The following CTNNA3 variants were observed in gnomAD, a reference collection of about 807,000 sequenced individuals.
CTNNA3 encodes catenin alpha-3.
Under a neutral mutation model 95.7 loss-of-function variants are expected in CTNNA3, and 76 were observed. That is an observed-to-expected ratio of 0.79 (90% CI 0.66 to 0.96). The LOEUF (loss-of-function observed/expected upper bound fraction) is 0.96. Ranked by LOEUF, CTNNA3 falls within the 40% of genes least tolerant of loss-of-function variation. The pLI is 0.00. For synonymous variants in CTNNA3, 431 were observed against 374.4 expected, an observed-to-expected ratio of 1.15 and a Z score of -1.74; for missense variants, 1,191 against 1,089.8, an observed-to-expected ratio of 1.09 and a Z score of -1.31.
At chr10:66,558,427 T>A (rs1842455591) in intron 10 of CTNNA3, among the ~76,000 whole-genome samples, 1 of 152,104 alleles carries the variant, frequency 6.6e-6, no homozygotes, top group African/African-American at 2.4e-5. Context: ...TTTAAAGAGG[T>A]ATATTGGGTA....
At chr10:67,289,417 T>C (rs1839741818) in intron 5 of CTNNA3, among the ~76,000 whole-genome samples, 1 of 152,228 alleles carries the variant, frequency 6.6e-6, no homozygotes, top group Admixed American at 6.5e-5. Context: ...GTATCATTTT[T>C]GCTCTTGTAC....
At chr10:67,192,597 A>T (rs1037245365) in intron 6 of CTNNA3, among the ~76,000 whole-genome samples, 3 of 151,938 alleles carry the variant, frequency 2.0e-5, no homozygotes, top group Non-Finnish European at 4.4e-5. Flanking sequence ...TTAAAAAGAC[A>T]AGAGATAATA....
intron 12 of CTNNA3, among the ~76,000 whole-genome samples, chr10:66,309,591 C>A (rs1554929287): frequency 1.4e-5 from 2 of 142,538 alleles, no homozygotes; most frequent in Non-Finnish European, 3.0e-5. Flanking sequence ...GAGGCTGAGG[C>A]AGGGGAATGG....
Position 66,868,383 on chromosome 10 carries a change from T to TA in CTNNA3, c.1048-92860dup, listed in dbSNP as rs770471209. ...TCTGTCGCAAAAATTAAAAAAAAAATAAAAAAAACTGTAATTAATAGACAA... is the reference window on the plus strand; with the variant it reads ...TCTGTCGCAAAAATTAAAAAAAAAATAAAAAAAAACTGTAATTAATAGACAA... On this transcript the variant is annotated intron_variant, in intron 7 of 17. Transcript: ENST00000433211. Among the ~76,000 whole-genome samples the TA allele has an allele frequency of 1.2e-3, 164 of 142,348 alleles. 1 individual carries two copies. The highest frequency in any genetic ancestry group is 3.1e-3 in the African/African-American group (116 of 37,476). 93.4% of individuals were successfully genotyped at this position (142,348 alleles called of 152,430 possible).
intron 5 of CTNNA3, among the ~76,000 whole-genome samples, chr10:67,461,417 A>G (rs1311239927): frequency 6.6e-6 from 1 of 152,110 alleles, no homozygotes; most frequent in East Asian, 1.9e-4. Flanking sequence ...TGACCTACTT[A>G]GCTTGTAGTC....
chr10:66,694,273 AG>A (rs1847672791), intron 9 of CTNNA3, among the ~76,000 whole-genome samples: 1 of 152,036 alleles, frequency 6.6e-6, no homozygotes, highest in Admixed American at 6.6e-5. Flanking sequence ...AAAATGATAA[AG>A]GGGATATCAC....
chr10:67,399,644 C>A (rs994888520), intron 5 of CTNNA3, among the ~76,000 whole-genome samples: 1 of 152,164 alleles, frequency 6.6e-6, no homozygotes, highest in Non-Finnish European at 1.5e-5. Flanking sequence ...TCTTCACCAC[C>A]CAACTCACAT....
chr10:66,001,335 C>CAT (rs1366013278), intron 15 of CTNNA3, among the ~76,000 whole-genome samples: 5 of 152,154 alleles, frequency 3.3e-5, no homozygotes, highest in Non-Finnish European at 5.9e-5. Flanking sequence ...TGCCATGCTA[C>CAT]ATGGGAGATT....
At chr10:66,925,168 A>G (rs1846998808) in intron 7 of CTNNA3, among the ~76,000 whole-genome samples, 1 of 152,136 alleles carries the variant, frequency 6.6e-6, no homozygotes, top group Admixed American at 6.6e-5. Flanking sequence ...TCGCTTCTGA[A>G]GCTCAGCTCT....
chr10:67,461,361 C>G (rs930080351), intron 5 of CTNNA3, among the ~76,000 whole-genome samples: 2 of 152,100 alleles, frequency 1.3e-5, no homozygotes, highest in Admixed American at 6.6e-5. Flanking sequence ...ATCCCAAGTA[C>G]CTGTCTTATG....
At chr10:67,364,016 C>T (rs1589217167) in intron 5 of CTNNA3, among the ~76,000 whole-genome samples, 2 of 152,240 alleles carry the variant, frequency 1.3e-5, no homozygotes, top group Middle Eastern at 6.8e-3. Flanking sequence ...GGCAGAGACA[C>T]AACAAAAGAA....
At chr10:66,907,713 T>C (rs1846048766) in intron 7 of CTNNA3, among the ~76,000 whole-genome samples, 1 of 152,120 alleles carries the variant, frequency 6.6e-6, no homozygotes, top group Admixed American at 6.6e-5. Flanking sequence ...CAATATCAAG[T>C]AGTTGGGAAT....
At chr10:67,660,855 C>G (rs1840163313) in intron 1 of CTNNA3, among the ~76,000 whole-genome samples, 1 of 150,200 alleles carries the variant, frequency 6.7e-6, no homozygotes, top group Non-Finnish European at 1.5e-5. Flanking sequence ...GGCTTGAACC[C>G]GGGAGGCAGA....
At chr10:66,076,600 C>A (rs2080566322) in intron 14 of CTNNA3, among the ~76,000 whole-genome samples, 1 of 151,572 alleles carries the variant, frequency 6.6e-6, no homozygotes. Context: ...CTCTTAACAC[C>A]CAGTGGGTTA....
At chr10:67,554,370 C>CCAA (rs1841151735) in intron 3 of CTNNA3, among the ~76,000 whole-genome samples, 7 of 151,962 alleles carry the variant, frequency 4.6e-5, no homozygotes. Flanking sequence ...GTTTACAGTC[C>CCAA]CAACAGTGTA....
At chr10:66,608,873 G>C (rs1341648802) in intron 10 of CTNNA3, among the ~76,000 whole-genome samples, 1 of 152,042 alleles carries the variant, frequency 6.6e-6, no homozygotes, top group Non-Finnish European at 1.5e-5. Context: ...TTGGACACAG[G>C]AATGGGCAAA....
At chr10:67,628,496 A>C (rs1839032288) in intron 2 of CTNNA3, among the ~76,000 whole-genome samples, 1 of 152,154 alleles carries the variant, frequency 6.6e-6, no homozygotes, top group African/African-American at 2.4e-5. Flanking sequence ...ATTCTAAAGT[A>C]AGTCTTTTTG....
chr10:66,124,809 A>G (rs1960622), intron 13 of CTNNA3, among the ~76,000 whole-genome samples: 125,468 of 151,998 alleles, frequency 0.83, 51,927 homozygotes, highest in South Asian at 0.92. Context: ...TCACTATCAC[A>G]AGAACAGCAC....
intron 13 of CTNNA3, among the ~76,000 whole-genome samples, chr10:66,111,731 G>C (rs2082128242): frequency 6.6e-6 from 1 of 152,142 alleles, no homozygotes; most frequent in African/African-American, 2.4e-5. Flanking sequence ...AGAGAGGAAC[G>C]AGTGTAAAGC....
Sources: gnomAD v4.1 joint callset for allele counts (sites outside exome capture counted in the v4.1 genomes callset) on GRCh38, gnomAD v4.1.1 for gene constraint, MANE v1.5 for transcripts, NCBI Gene and HGNC (gene_info 2026-07-23, HGNC 2026-07-21) for gene names.